The following MCC variants were observed in gnomAD, a reference collection of about 807,000 sequenced individuals.
MCC encodes MCC regulator of Wnt signaling pathway.
Under a neutral mutation model 116.2 loss-of-function variants are expected in MCC, and 90 were observed. The observed-to-expected ratio is 0.77, with a 90% CI of 0.65 to 0.92. The LOEUF is 0.92. MCC is among the 40% of genes least tolerant of loss of function. MCC has a pLI of 0.00. For missense variants in MCC, 1,516 were observed against 1,312.2 expected, an observed-to-expected ratio of 1.16 and a Z score of -2.40; for synonymous variants, 578 against 510.5, an observed-to-expected ratio of 1.13 and a Z score of -1.78.
At chr5:113,415,462 G>T (rs187888477) in intron 1 of MCC, among the ~76,000 whole-genome samples, 3 of 152,000 alleles carry the variant, frequency 2.0e-5, no homozygotes, top group Admixed American at 2.0e-4. Context: ...GGCTTTGTTC[G>T]TTTCTTTTTA....
intron 17 of MCC, among the ~76,000 whole-genome samples, chr5:113,031,503 G>A (rs1750953299): frequency 1.3e-5 from 2 of 151,056 alleles, no homozygotes; most frequent in Admixed American, 6.6e-5. Context: ...AAAAACAGCA[G>A]GGAAGGGTTT....
At chr5:113,181,940 T>G (rs568115353) in intron 3 of MCC, among the ~76,000 whole-genome samples, 1 of 152,144 alleles carries the variant, frequency 6.6e-6, no homozygotes, top group East Asian at 1.9e-4. Flanking sequence ...CCATTCCCTA[T>G]CAGGTGCATT....
At chr5:113,145,581 G>C (rs542065741) in intron 4 of MCC, among the ~76,000 whole-genome samples, 5 of 152,108 alleles carry the variant, frequency 3.3e-5, no homozygotes, top group Non-Finnish European at 7.4e-5. Context: ...TATAGAGAAA[G>C]GCACACCATC....
chr5:113,288,328 ATTC>A (rs1195221216), intron 3 of MCC, among the ~76,000 whole-genome samples: 1 of 152,230 alleles, frequency 6.6e-6, no homozygotes, highest in Non-Finnish European at 1.5e-5. Context: ...TTAAAGCTTT[ATTC>A]TTCTCTTTCT....
intron 17 of MCC, among the ~76,000 whole-genome samples, chr5:113,034,668 G>C (rs1751207007): frequency 6.6e-6 from 1 of 152,262 alleles, no homozygotes; most frequent in Non-Finnish European, 1.5e-5. Flanking sequence ...AGAATTGTCT[G>C]CATATGTGAT....
chr5:113,481,006 G>C (rs182475703), intron 1 of MCC, among the ~76,000 whole-genome samples: 1 of 152,066 alleles, frequency 6.6e-6, no homozygotes, highest in Non-Finnish European at 1.5e-5. Flanking sequence ...TGAACTCCTA[G>C]GTTCAAGAGA....
At chr5:113,031,314 C>CG (rs1442546480) in intron 17 of MCC, among the ~76,000 whole-genome samples, 1 of 152,142 alleles carries the variant, frequency 6.6e-6, no homozygotes, top group Non-Finnish European at 1.5e-5. Flanking sequence ...CAGGACATCT[C>CG]GGATCTGGCT....
intron 3 of MCC, among the ~76,000 whole-genome samples, chr5:113,257,165 T>C (rs543187182): frequency 7.9e-5 from 12 of 152,284 alleles, no homozygotes; most frequent in Admixed American, 7.8e-4. Flanking sequence ...GCTAAGCGTG[T>C]TCATTTTTAA....
At chr5:113,296,953 C>T (rs770086582) in intron 3 of MCC, among the ~76,000 whole-genome samples, 11 of 152,176 alleles carry the variant, frequency 7.2e-5, no homozygotes, top group Non-Finnish European at 1.2e-4. Flanking sequence ...AGAGGAAAAA[C>T]TAGCAGTGTT....
At chr5:113,040,587 T>C (rs1194989676) in intron 17 of MCC, among the ~76,000 whole-genome samples, 1 of 152,214 alleles carries the variant, frequency 6.6e-6, no homozygotes, top group African/African-American at 2.4e-5. Context: ...CATTTGATTT[T>C]TTAAAATAAA....
chr5:113,418,062 C>A (rs1258301299), intron 1 of MCC, among the ~76,000 whole-genome samples: 2 of 142,768 alleles, frequency 1.4e-5, no homozygotes, highest in African/African-American at 2.8e-5. Context: ...GTCATTTCCT[C>A]CCTCATGTCT....
intron 1 of MCC, among the ~76,000 whole-genome samples, chr5:113,389,001 G>C (rs1317140872): frequency 2.6e-5 from 4 of 152,104 alleles, no homozygotes; most frequent in Non-Finnish European, 5.9e-5. Context: ...GATTATCAAA[G>C]GTCATGAATT....
At chr5:113,337,173 G>T (rs58833244) in intron 3 of MCC, among the ~76,000 whole-genome samples, 52 of 152,162 alleles carry the variant, frequency 3.4e-4, no homozygotes, top group African/African-American at 1.2e-3. Flanking sequence ...CAGCAGCATA[G>T]GACATCTAGT....
intron 6 of MCC, among the ~76,000 whole-genome samples, chr5:113,114,800 A>T (rs1187902924): frequency 6.6e-6 from 1 of 152,134 alleles, no homozygotes; most frequent in East Asian, 1.9e-4. Context: ...TCCCCCTTCT[A>T]GCTCCCCTTC....
intron 3 of MCC, among the ~76,000 whole-genome samples, chr5:113,173,645 T>C (rs1382703582): frequency 6.6e-5 from 10 of 152,164 alleles, no homozygotes; most frequent in Non-Finnish European, 1.5e-4. Flanking sequence ...ATTTATCAAA[T>C]TGTATTTTTC....
intron 3 of MCC, among the ~76,000 whole-genome samples, chr5:113,278,065 C>A (rs1347463967): frequency 6.6e-6 from 1 of 152,192 alleles, no homozygotes; most frequent in East Asian, 1.9e-4. Flanking sequence ...AATGCCTGTC[C>A]TTCCCTGCAA....
intron 6 of MCC, 115 bp downstream of exon 6, chr5:113,122,569 C>G: frequency 8.1e-7 from 1 of 1,228,838 alleles, no homozygotes; most frequent in South Asian, 1.5e-5. Flanking sequence ...ACTTCATCCA[C>G]TCAGCAAACC....
At chr5:113,475,854 G>T (rs774482566) in intron 1 of MCC, among the ~76,000 whole-genome samples, 4 of 152,138 alleles carry the variant, frequency 2.6e-5, no homozygotes, top group Non-Finnish European at 4.4e-5. Flanking sequence ...TAGCTAGGCC[G>T]CATGTATGGT....
At chr5:113,338,793 AG>A (rs1767932751) in intron 3 of MCC, among the ~76,000 whole-genome samples, 1 of 152,224 alleles carries the variant, frequency 6.6e-6, no homozygotes, top group Non-Finnish European at 1.5e-5. Flanking sequence ...CTGAGCACAT[AG>A]GAGGGCAAGA....
Sources: gnomAD v4.1 joint callset for allele counts (sites outside exome capture counted in the v4.1 genomes callset) on GRCh38, gnomAD v4.1.1 for gene constraint, MANE v1.5 for transcripts, NCBI Gene and HGNC (gene_info 2026-07-23, HGNC 2026-07-21) for gene names.